XKR5: variants seen among roughly 807,000 people sequenced by gnomAD.
XKR5 encodes the protein XK related 5.
XKR5 carries 46 observed loss-of-function variants against 40.8 expected under a neutral mutation model. The ratio of observed to expected loss-of-function variants is 1.13; its 90% confidence interval spans 0.89 to 1.44. The LOEUF (loss-of-function observed/expected upper bound fraction) is 1.44. Ranked by LOEUF, XKR5 falls within the 40% of genes most tolerant of loss-of-function variation. XKR5 has a pLI of 0.00. For synonymous variants in XKR5, 466 were observed against 356.1 expected, an observed-to-expected ratio of 1.31 and a Z score of -3.48; for missense variants, 1,169 against 844.7, an observed-to-expected ratio of 1.38 and a Z score of -4.76.
At chr8:6,827,189 C>G (rs1412604760) in intron 2 of XKR5, among the ~76,000 whole-genome samples, 11 of 152,168 alleles carry the variant, frequency 7.2e-5, no homozygotes, top group Admixed American at 7.2e-4. Context: ...CCCACCAATT[C>G]CTCTCTGGGT....
chr8:6,823,100 A>G (rs557448534), intron 4 of XKR5, among the ~76,000 whole-genome samples: 1 of 152,282 alleles, frequency 6.6e-6, no homozygotes, highest in Non-Finnish European at 1.5e-5. Flanking sequence ...AAGCTATGGC[A>G]GAGTATCTCC....
intron 5 of XKR5, among the ~76,000 whole-genome samples, chr8:6,818,916 C>T (rs1288255645): frequency 6.6e-6 from 1 of 152,322 alleles, no homozygotes; most frequent in East Asian, 1.9e-4. Flanking sequence ...GTGGTATGCA[C>T]CCGTGATCCC....
rs373591378 is a variant in XKR5 at position 6,821,992 on chromosome 8, A to C, written c.684T>G (p.Ser228Arg). The stretch of plus-strand genomic sequence containing the variant: ...AGTGGCAGGTGCTGTCGATGATGTC[A>C]CTCTGCTGGGCGACAAGCCAGAATG... ...VMTFWLVAQQSDIIDSTCHWR... is the reference protein window; with the variant it reads ...VMTFWLVAQQRDIIDSTCHWR... Residue 228 changes from serine to arginine, a missense_variant, in exon 5 of 7, where the codon AGT becomes AGG. Coordinates refer to ENST00000618742, the MANE Select transcript of XKR5 (RefSeq NM_207411.5). 1.2e-6 allele frequency: 2 copies of C among 1,604,526 alleles called. No individual in the cohort carries two copies. Among genetic ancestry groups the C allele is most frequent in the East Asian group, 2.3e-5 (1 of 44,386 alleles).
At position 6,821,900 on chromosome 8, in the gene XKR5, G is replaced by C; in HGVS notation, c.776C>G (p.Pro259Arg). Residue 259 changes from proline to arginine, a missense_variant, in exon 5 of 7, where the codon CCT becomes CGT. Transcript: ENST00000618742. Reference protein sequence around the residue: ...ILCYLSFWDSPSRNRMVTFYM... With the variant: ...ILCYLSFWDSRSRNRMVTFYM... Reference sequence around the variant, plus strand: ...GAACGTGACCATCCTATTTCTAGAAGGGCTGTCCCAGAAGCTGAGGTAGCA... The same window carrying C: ...GAACGTGACCATCCTATTTCTAGAACGGCTGTCCCAGAAGCTGAGGTAGCA... 6.2e-7 allele frequency: 1 copy of C among 1,613,492 alleles called. No individual in the cohort carries two copies. The highest frequency in any genetic ancestry group is 8.5e-7 in the Non-Finnish European group (1 of 1,179,730).
Position 6,811,817 on chromosome 8 carries a change from G to A in XKR5, c.1442C>T (p.Pro481Leu). 1 of 1,537,642 alleles carries A rather than the reference G, an allele frequency of 6.5e-7. No homozygotes were observed. Among genetic ancestry groups the A allele is most frequent in the Non-Finnish European group, 8.7e-7 (1 of 1,147,002 alleles). Residue 481 changes from proline (P) to leucine (L), a missense_variant, in exon 7 of 7, where the codon CCA (proline) becomes CTA (leucine). Pro to Leu is a moderately conservative substitution (Grantham distance 98). Coordinates refer to ENST00000618742, the MANE Select transcript of XKR5 (RefSeq NM_207411.5). ...AGATACGTAACTTGAGGTTTCCAAT[G>A]GGTCGGCCTCTGCTTTAGGGACACC... The part of the protein sequence containing the change: ...FEGVPKAEAD[P>L]LETSSYVSFA...
chr8:6,820,329 G>A (rs1010180409), intron 5 of XKR5, among the ~76,000 whole-genome samples: 4 of 152,200 alleles, frequency 2.6e-5, no homozygotes, highest in African/African-American at 7.2e-5. Flanking sequence ...CTATTTAATC[G>A]CTCTTGACTC....
Position 6,812,017 on chromosome 8 carries a change from T to C in XKR5, c.1242A>G (p.Thr414=). The C allele has an allele frequency of 6.5e-7, 1 of 1,537,506 alleles. No individual in the cohort carries two copies. Among genetic ancestry groups the C allele is most frequent in the Non-Finnish European group, 8.7e-7 (1 of 1,146,932 alleles). ...HWLWVKLALK[T]GNVSKINAAF... ...CGGCATTGATCTTAGACACATTTCC[T>C]GTTTTTAGGGCAAGTTTCACCCACA... Residue 414 remains threonine, a synonymous_variant, in exon 7 of 7, where the codon ACA becomes ACG. Transcript: ENST00000618742.
rs1803547416 is a variant in XKR5, at chr8:6,808,727, A to C, written c.*2471T>G. On this transcript the variant is annotated 3_prime_UTR_variant, in exon 7 of 7. Coordinates refer to ENST00000618742, the MANE Select transcript of XKR5 (RefSeq NM_207411.5). ...CTGTCATACTCAACTAATATTCCTTAAATGAATGAATGAATGAAGAGTATT... is the reference window on the plus strand; with the variant it reads ...CTGTCATACTCAACTAATATTCCTTCAATGAATGAATGAATGAAGAGTATT... 6.6e-6 allele frequency: 1 copy of C among 152,162 alleles called. No homozygotes were observed. Among genetic ancestry groups the C allele is most frequent in the African/African-American group, 2.4e-5 (1 of 41,428 alleles). 9.4% of individuals were successfully genotyped at this position (152,162 alleles called of 1,614,324 possible). A position where few individuals can be genotyped will look rare whatever the true frequency, so the allele number is the denominator to read the frequency against.
At position 6,811,431 on chromosome 8, in the gene XKR5, A is replaced by T. The variant is rs1803679670; in HGVS notation, c.1828T>A (p.Phe610Ile). Residue 610 changes from phenylalanine (F) to isoleucine (I), a missense_variant, in exon 7 of 7, where the codon TTC becomes ATC. Physicochemically the swap from Phe to Ile is conservative, Grantham distance 21. Coordinates refer to ENST00000618742, the MANE Select transcript of XKR5 (RefSeq NM_207411.5). The stretch of plus-strand genomic sequence containing the variant: ...CCAGGGAAGCCTGCACTGGGGCAGA[A>T]GCCTCTACATGGGCCTGTGCCTAGG... ...PILGTGPCRG[F>I]CPSAGFPGRT... 1 of 1,536,904 alleles carries T rather than the reference A, an allele frequency of 6.5e-7. No individual in the cohort carries two copies. Among genetic ancestry groups the T allele is most frequent in the Non-Finnish European group, 8.7e-7 (1 of 1,146,768 alleles).
At chr8:6,816,153 G>A (rs141117674) in intron 5 of XKR5, among the ~76,000 whole-genome samples, 186 of 152,238 alleles carry the variant, frequency 1.2e-3, no homozygotes, top group African/African-American at 4.1e-3. Flanking sequence ...GAATCATAAA[G>A]GCCCAGGAAA....
chr8:6,825,325 A>T lies in XKR5; in HGVS notation c.267T>A (p.Ser89Arg). 6.3e-7 allele frequency: 1 copy of T among 1,596,566 alleles called. No homozygotes were observed. The highest frequency in any genetic ancestry group is 1.1e-5 in the South Asian group (1 of 89,216). ...WKRHWDAALT[S>R]LQKELEAPHR... ...GGGGAGCCTCCAGTTCCTTCTGCAG[A>T]CTGGTCAGTGCAGCGTCCCAGTGCC... Residue 89 changes from serine to arginine, a missense_variant, in exon 3 of 7, where the codon AGT (serine) becomes AGA (arginine). By Grantham distance (110) the Ser-to-Arg change is moderately radical. Coordinates refer to ENST00000618742, the MANE Select transcript of XKR5 (RefSeq NM_207411.5).
At chr8:6,815,714 T>G (rs765503000) in intron 6 of XKR5, 93 bp downstream of exon 6, 10 of 856,690 alleles carry the variant, frequency 1.2e-5, no homozygotes, top group Non-Finnish European at 1.8e-5. Context: ...GTTAACCACA[T>G]CTGAACTCAG....
chr8:6,835,447 T>C lies in XKR5; in HGVS notation c.47A>G (p.Glu16Gly). Residue 16 changes from glutamate (E) to glycine (G), a missense_variant, in exon 1 of 7, where the codon GAG becomes GGG. Physicochemically the swap from Glu to Gly is moderately conservative, Grantham distance 98. Transcript: ENST00000618742. ...LGLSALLQAA[E>G]QSARLYTVAY... ...GCTGCCGCACTCACGCGCGCTCTGC[T>C]CGGCCGCCTGCAGCAGGGCCGAGAG... The C allele has an allele frequency of 6.7e-7, 1 of 1,496,548 alleles. No homozygotes were observed. The highest frequency in any genetic ancestry group is 8.8e-7 in the Non-Finnish European group (1 of 1,130,364). 92.7% of individuals were successfully genotyped at this position (1,496,548 alleles called of 1,614,324 possible). A position where few individuals can be genotyped will look rare whatever the true frequency, so the allele number is the denominator to read the frequency against.
chr8:6,812,479 G>T, intron 6 of XKR5, 140 bp from the exon 7 acceptor site: 2 of 834,330 alleles, frequency 2.4e-6, no homozygotes, highest in Non-Finnish European at 3.6e-6. Flanking sequence ...TGGAGCCTCA[G>T]AACTGGATAT....
intron 2 of XKR5, among the ~76,000 whole-genome samples, chr8:6,830,964 G>C (rs1485884151): frequency 6.6e-6 from 1 of 152,192 alleles, no homozygotes; most frequent in Admixed American, 6.5e-5. Context: ...TGAGGCCTGA[G>C]GGTCCACACA....
At chr8:6,818,812 C>G (rs1804085624) in intron 5 of XKR5, among the ~76,000 whole-genome samples, 1 of 152,216 alleles carries the variant, frequency 6.6e-6, no homozygotes, top group African/African-American at 2.4e-5. Flanking sequence ...CCAGCCCCTG[C>G]CAGACCGTTC....
In XKR5 at chr8:6,835,446, C is replaced by G. The variant is rs2977806; in HGVS notation, c.48G>C (p.Glu16Asp). 6.7e-7 allele frequency: 1 copy of G among 1,494,864 alleles called. No individual in the cohort carries two copies. Among genetic ancestry groups the G allele is most frequent in the Middle Eastern group, 2.3e-4 (1 of 4,310 alleles). The allele number at this position is 1,494,864 out of a possible 1,614,324, so 92.6% of individuals were successfully genotyped here. Residue 16 changes from glutamate to aspartate, a missense_variant, in exon 1 of 7, where the codon GAG becomes GAC. Coordinates refer to ENST00000618742, the MANE Select transcript of XKR5 (RefSeq NM_207411.5). ...GGCTGCCGCACTCACGCGCGCTCTG[C>G]TCGGCCGCCTGCAGCAGGGCCGAGA... ...LGLSALLQAAEQSARLYTVAY... is the reference protein window; with the variant it reads ...LGLSALLQAADQSARLYTVAY...
chr8:6,825,696 G>A, intron 2 of XKR5, among the ~76,000 whole-genome samples: 3 of 152,176 alleles, frequency 2.0e-5, no homozygotes, highest in Middle Eastern at 3.4e-3. Context: ...GTCCCACCCC[G>A]GATCCTCTTG....
At chr8:6,833,767 A>G (rs1162610541) in intron 1 of XKR5, among the ~76,000 whole-genome samples, 1 of 152,200 alleles carries the variant, frequency 6.6e-6, no homozygotes, top group Admixed American at 6.5e-5. Flanking sequence ...ATCACCAGCA[A>G]GAGTCTCCTA....
Sources: allele counts gnomAD v4.1 joint callset (sites outside exome capture counted in the v4.1 genomes callset), GRCh38; gene constraint gnomAD v4.1.1; transcripts MANE v1.5; gene names NCBI Gene and HGNC (gene_info 2026-07-23, HGNC 2026-07-21).